The following NCS1 variants were observed in gnomAD, a reference collection of about 807,000 sequenced individuals.
NCS1 encodes the protein frequenin homolog.
Under a neutral mutation model 28.4 loss-of-function variants are expected in NCS1, and 6 were observed. That is an observed-to-expected ratio of 0.21 (90% CI 0.12 to 0.42). The LOEUF is 0.42. NCS1 is among the 10% of genes least tolerant of loss of function. The probability of loss-of-function intolerance (pLI) is 1.00; values close to 1 mark genes in which losing one functional copy is unlikely to be tolerated. For synonymous variants in NCS1, 86 were observed against 99.3 expected, an observed-to-expected ratio of 0.87 and a Z score of 0.79; for missense variants, 131 against 241.4, an observed-to-expected ratio of 0.54 and a Z score of 3.03.
rs1274985475 is a variant in NCS1 at position 130,191,593 on chromosome 9, G to A, written c.65-9365G>A. 6.6e-6 allele frequency among the ~76,000 whole-genome samples: 1 copy of A among 152,178 alleles called. No homozygotes were observed. Among genetic ancestry groups the A allele is most frequent in the Non-Finnish European group, 1.5e-5 (1 of 68,020 alleles). ...CGTGGGCATGGGGCTCCCCTGATGA[G>A]CCCAGGTGCCTCATCCTGAGACAGA... On this transcript the variant is annotated intron_variant, in intron 1 of 7. Coordinates refer to ENST00000372398, the MANE Select transcript of NCS1 (RefSeq NM_014286.4). The surrounding 1 kb of genome is among the most constrained non-coding windows in gnomAD (Gnocchi z 6.4).
chr9:130,201,849 C>T (rs1241850888), intron 2 of NCS1, among the ~76,000 whole-genome samples: 3 of 152,170 alleles, frequency 2.0e-5, no homozygotes, highest in African/African-American at 2.4e-5. Flanking sequence ...CCTCACTTTC[C>T]ACTTCTGCAC....
intron 2 of NCS1, among the ~76,000 whole-genome samples, chr9:130,201,811 G>T (rs75728544): frequency 0.013 from 1,953 of 152,258 alleles, 63 homozygotes; most frequent in African/African-American, 0.045. Flanking sequence ...TTGCTGGGAG[G>T]TGCCCCATCC....
chr9:130,222,800 A>T (rs539243888), intron 5 of NCS1, 62 bp downstream of exon 5: 67 of 1,518,662 alleles, frequency 4.4e-5, no homozygotes, highest in Non-Finnish European at 5.9e-5. Flanking sequence ...TGACTGAGAG[A>T]CAGAGAGAGA....
Position 130,215,239 on chromosome 9 carries a change from G to A in NCS1, c.90-2593G>A, listed in dbSNP as rs1195300106. 6.6e-6 allele frequency among the ~76,000 whole-genome samples: 1 copy of A among 152,200 alleles called. No homozygotes were observed. The highest frequency in any genetic ancestry group is 6.5e-5 in the Admixed American group (1 of 15,278). On this transcript the variant is annotated intron_variant, in intron 2 of 7. Transcript: ENST00000372398. This position sits in a 1 kb window ranked among gnomAD's most constrained non-coding sequence, Gnocchi z 4.2. ...CTGCCCAGGGGCCCATCCTGGCCTGGGAGTCTGGAGTCATGGGCCAGGCTG... is the reference window on the plus strand; with the variant it reads ...CTGCCCAGGGGCCCATCCTGGCCTGAGAGTCTGGAGTCATGGGCCAGGCTG...
chr9:130,225,796 A>T (rs567927750), intron 6 of NCS1, among the ~76,000 whole-genome samples: 17 of 152,256 alleles, frequency 1.1e-4, no homozygotes, highest in African/African-American at 3.9e-4. Flanking sequence ...GATACCCGAG[A>T]TCGAGTAGGT....
intron 1 of NCS1, among the ~76,000 whole-genome samples, chr9:130,190,959 C>T (rs1443946397): frequency 4.6e-5 from 7 of 152,220 alleles, no homozygotes; most frequent in Non-Finnish European, 4.4e-5. Context: ...TCTCTCCTGG[C>T]TCCACTTCCT....
chr9:130,223,207 C>A (rs772170343), intron 6 of NCS1, 48 bp downstream of exon 6: 1 of 1,563,100 alleles, frequency 6.4e-7, no homozygotes. Flanking sequence ...GGCAAGGTGT[C>A]GGGGGCAGGA....
chr9:130,235,082 T>C lies in NCS1; in HGVS notation c.*2110T>C. 1 of 152,006 alleles carries C rather than the reference T, an allele frequency of 6.6e-6. No homozygotes were observed. Among genetic ancestry groups the C allele is most frequent in the African/African-American group, 2.4e-5 (1 of 41,276 alleles). The allele number at this position is 152,006 out of a possible 1,614,324, so 9.4% of individuals were successfully genotyped here. A position where few individuals can be genotyped will look rare whatever the true frequency, so the allele number is the denominator to read the frequency against. On this transcript the variant is annotated 3_prime_UTR_variant, in exon 8 of 8. Transcript: ENST00000372398. ...CCCAGCGTCCCCCCTGAGGCGTTCA[T>C]TGGCAGCCCCCTAGGACTGCACGCT...
intron 1 of NCS1, among the ~76,000 whole-genome samples, chr9:130,188,422 C>A (rs1358260963): frequency 6.9e-6 from 1 of 143,960 alleles, no homozygotes; most frequent in Non-Finnish European, 1.5e-5. Flanking sequence ...CCTGAACTTT[C>A]CTTTTTTTTT....
Position 130,234,532 on chromosome 9 carries a change from C to T in NCS1, c.*1560C>T, listed in dbSNP as rs566404740. 6 of 152,472 alleles carry T rather than the reference C, an allele frequency of 3.9e-5. No individual in the cohort carries two copies. Among genetic ancestry groups the T allele is most frequent in the Admixed American group, 1.3e-4 (2 of 15,302 alleles). The allele number at this position is 152,472 out of a possible 1,614,324, so 9.4% of individuals were successfully genotyped here. ...GCCCCATCTGCAGAGCGAGGAGGCC[C>T]GGGCTGGTTGGTCTTGAAGGCCCTT... On this transcript the variant is annotated 3_prime_UTR_variant, in exon 8 of 8. Coordinates refer to ENST00000372398, the MANE Select transcript of NCS1 (RefSeq NM_014286.4). The surrounding 1 kb of genome is among the most constrained non-coding windows in gnomAD (Gnocchi z 6.1).
At position 130,226,366 on chromosome 9, in the gene NCS1, C is replaced by T; in HGVS notation, c.475-23C>T. 2 of 1,604,404 alleles carry T rather than the reference C, an allele frequency of 1.2e-6. No homozygotes were observed. The highest frequency in any genetic ancestry group is 2.2e-5 in the South Asian group (2 of 90,820). On this transcript the variant is annotated intron_variant, in intron 6 of 7. Transcript: ENST00000372398. This position sits in a 1 kb window ranked among gnomAD's most constrained non-coding sequence, Gnocchi z 4.8. ...CCTCTCCTGGGAGGCCCTGCACCCT[C>T]AGCCGCCTCTCTCTGCTCACAGAAT...
chr9:130,228,350 A>T (rs543914999), intron 7 of NCS1, among the ~76,000 whole-genome samples: 15 of 132,512 alleles, frequency 1.1e-4, no homozygotes, highest in African/African-American at 3.3e-4. Flanking sequence ...TGGCTAATTT[A>T]AAAAAAAAAG....
At chr9:130,174,258 C>T (rs369763550) in intron 1 of NCS1, among the ~76,000 whole-genome samples, 2 of 152,142 alleles carry the variant, frequency 1.3e-5, no homozygotes, top group Non-Finnish European at 2.9e-5. Context: ...ATGGGCTGCA[C>T]GGGATGCCTC....
intron 1 of NCS1, among the ~76,000 whole-genome samples, chr9:130,193,405 C>T (rs1465335040): frequency 1.3e-5 from 2 of 151,746 alleles, no homozygotes; most frequent in Non-Finnish European, 2.9e-5. Context: ...GAGGCCGGCA[C>T]AGCAGCTGGG....
chr9:130,218,044 C>T, intron 3 of NCS1, 74 bp downstream of exon 3: 2 of 1,576,208 alleles, frequency 1.3e-6, no homozygotes, highest in East Asian at 4.5e-5. Flanking sequence ...TCCACACCCA[C>T]TCTCTCCTGC....
Position 130,226,578 on chromosome 9 carries a change from G to C in NCS1, c.*17+74G>C. On this transcript the variant is annotated intron_variant, in intron 7 of 7. Transcript: ENST00000372398. The surrounding 1 kb of genome is among the most constrained non-coding windows in gnomAD (Gnocchi z 4.8). ...GAAAACCCAGCAGCAGGACACCTAC[G>C]GTTGGCAGGTAATTACCTGGGTCTC... The C allele has an allele frequency of 8.9e-7, 1 of 1,120,888 alleles. No homozygotes were observed. Among genetic ancestry groups the C allele is most frequent in the Non-Finnish European group, 1.3e-6 (1 of 761,246 alleles). 69.4% of individuals were successfully genotyped at this position (1,120,888 alleles called of 1,614,324 possible). A position where few individuals can be genotyped will look rare whatever the true frequency, so the allele number is the denominator to read the frequency against.
rs920014239 is a variant in NCS1 at position 130,226,573 on chromosome 9, C to G, written c.*17+69C>G. On this transcript the variant is annotated intron_variant, in intron 7 of 7. Coordinates refer to ENST00000372398, the MANE Select transcript of NCS1 (RefSeq NM_014286.4). This position sits in a 1 kb window ranked among gnomAD's most constrained non-coding sequence, Gnocchi z 4.8. ...GGGGTGAAAACCCAGCAGCAGGACACCTACGGTTGGCAGGTAATTACCTGG... is the reference window on the plus strand; with the variant it reads ...GGGGTGAAAACCCAGCAGCAGGACAGCTACGGTTGGCAGGTAATTACCTGG... 208 of 1,184,710 alleles carry G rather than the reference C, an allele frequency of 1.8e-4. No homozygotes were observed. Among genetic ancestry groups the G allele is most frequent in the Non-Finnish European group, 1.4e-4 (112 of 816,430 alleles). 73.4% of individuals were successfully genotyped at this position (1,184,710 alleles called of 1,614,324 possible).
intron 1 of NCS1, chr9:130,200,735 C>G: frequency 1.4e-6 from 2 of 1,459,782 alleles, no homozygotes; most frequent in South Asian, 2.4e-5. Context: ...ACTTGGGCAC[C>G]GGGAAGGGGT....
In NCS1 at chr9:130,209,156, G is replaced by A. The variant is rs374276749; in HGVS notation, c.89+8174G>A. ...CGAGGCTGCCGCTGCGCCCATCCCC[G>A]CTGCGCCTGGCTGATTGCAGCTTGG... On this transcript the variant is annotated intron_variant, in intron 2 of 7. Transcript: ENST00000372398. The surrounding 1 kb of genome is among the most constrained non-coding windows in gnomAD (Gnocchi z 4.4). Among the ~76,000 whole-genome samples the A allele has an allele frequency of 4.2e-4, 64 of 152,284 alleles. No individual in the cohort carries two copies. The South Asian group carries it at 0.011, about 27-fold the overall frequency.
Sources: gnomAD v4.1 joint callset for allele counts (sites outside exome capture counted in the v4.1 genomes callset) on GRCh38, gnomAD v4.1.1 for gene constraint, Gnocchi (gnomAD v3.1) non-coding constraint, MANE v1.5 for transcripts, NCBI Gene and HGNC (gene_info 2026-07-23, HGNC 2026-07-21) for gene names.